DEF6: variants seen among roughly 807,000 people sequenced by gnomAD.
DEF6 encodes DEF6 guanine nucleotide exchange factor, also known as differentially expressed in FDCP 6 homolog.
DEF6 carries 32 observed loss-of-function variants against 80.5 expected under a neutral mutation model. The observed-to-expected ratio is 0.40, with a 90% confidence interval of 0.30 to 0.53. The LOEUF is 0.53. Ranked by LOEUF, DEF6 falls within the 20% of genes least tolerant of loss-of-function variation. The pLI, the probability that DEF6 is intolerant of heterozygous loss-of-function variation, is 0.57. For missense variants in DEF6, 575 were observed against 818.7 expected (o/e 0.70, Z 3.63); for synonymous variants, 300 against 337.9 (o/e 0.89, Z 1.23).
chr6:35,304,890 T>C (rs955956198), intron 1 of DEF6, among the ~76,000 whole-genome samples: 2 of 151,478 alleles, frequency 1.3e-5, no homozygotes, highest in East Asian at 3.9e-4. Flanking sequence ...GTTTTAAATT[T>C]TATCCTAAAG....
At chr6:35,310,777 C>G in intron 3 of DEF6, 133 bp downstream of exon 3, 1 of 947,644 alleles carries the variant, frequency 1.1e-6, no homozygotes, top group Non-Finnish European at 1.6e-6. Context: ...ATGCTGGTAT[C>G]TGTCCTCACC....
At chr6:35,313,428 AG>A (rs1791492220) in intron 5 of DEF6, 1 of 342,648 alleles carries the variant, frequency 2.9e-6, no homozygotes, top group Admixed American at 4.5e-5. Flanking sequence ...TCATGTCATT[AG>A]GTATCCTTTA....
At chr6:35,314,103 C>T (rs368163687) in intron 5 of DEF6, among the ~76,000 whole-genome samples, 7 of 152,174 alleles carry the variant, frequency 4.6e-5, no homozygotes, top group African/African-American at 1.7e-4. Flanking sequence ...TCTCCAGCAT[C>T]TTTTTACAGA....
chr6:35,297,987 G>T, intron 1 of DEF6, 35 bp downstream of exon 1: 1 of 1,536,356 alleles, frequency 6.5e-7, no homozygotes, highest in Non-Finnish European at 8.8e-7. Flanking sequence ...GAGGACGGCA[G>T]ATGCACCACA....
rs1253426126 is a variant in DEF6, at chr6:35,319,617, C to T, written c.1309C>T (p.Arg437Trp). The T allele has an allele frequency of 1.2e-6, 2 of 1,613,658 alleles. No homozygotes were observed. Among genetic ancestry groups the T allele is most frequent in the Non-Finnish European group, 1.7e-6 (2 of 1,179,824 alleles). Residue 437 changes from arginine to tryptophan, a missense_variant, in exon 8 of 11, where the codon CGG (arginine) becomes TGG (tryptophan). Physicochemically the swap from Arg to Trp is moderately radical, Grantham distance 101 (BLOSUM62 -3). Coordinates refer to ENST00000316637, the MANE Select transcript of DEF6 (RefSeq NM_022047.4). This position sits in a 1 kb window ranked among gnomAD's most constrained non-coding sequence, Gnocchi z 4.5. ...RIKELEEMQQ[R>W]LQEALQLEVK... Reference sequence around the variant, plus strand: ...CAAGGAGCTGGAGGAGATGCAGCAGCGGTTGCAGGAGGCCCTGCAACTAGA... The same window carrying T: ...CAAGGAGCTGGAGGAGATGCAGCAGTGGTTGCAGGAGGCCCTGCAACTAGA...
At position 35,318,378 on chromosome 6, in the gene DEF6, C is replaced by G. The variant is rs540279988; in HGVS notation, c.1122C>G (p.Ala374=). The part of the protein sequence containing the change: ...LELLQEAQRQ[A]ERLLQEEEER... Reference sequence around the variant, plus strand: ...TGCTGCAGGAGGCGCAGCGGCAGGCCGAGCGGCTGCTGCAGGAGGAGGAGG... The same window carrying G: ...TGCTGCAGGAGGCGCAGCGGCAGGCGGAGCGGCTGCTGCAGGAGGAGGAGG... Residue 374 remains alanine (A), a synonymous_variant, in exon 7 of 11, where the codon GCC becomes GCG. Coordinates refer to ENST00000316637, the MANE Select transcript of DEF6 (RefSeq NM_022047.4). The surrounding 1 kb of genome is among the most constrained non-coding windows in gnomAD (Gnocchi z 5.1). 186 of 1,536,616 alleles carry G rather than the reference C, an allele frequency of 1.2e-4. 1 individual carries two copies. The highest frequency in any genetic ancestry group is 1.6e-4 in the Non-Finnish European group (178 of 1,145,206).
intron 1 of DEF6, among the ~76,000 whole-genome samples, chr6:35,299,537 G>T (rs1791285081): frequency 6.6e-6 from 1 of 152,116 alleles, no homozygotes; most frequent in South Asian, 2.1e-4. Flanking sequence ...CCTAGCTTGA[G>T]CCTCTGTCTT....
intron 1 of DEF6, among the ~76,000 whole-genome samples, chr6:35,304,618 C>G (rs553329338): frequency 1.3e-5 from 2 of 152,212 alleles, no homozygotes; most frequent in African/African-American, 4.8e-5. Context: ...TGGAAGGACT[C>G]GAACTTTTAC....
At chr6:35,316,026 A>ATTTTTT (rs35189215) in intron 5 of DEF6, 3 of 153,244 alleles carry the variant, frequency 2.0e-5, no homozygotes, top group African/African-American at 2.6e-5. Flanking sequence ...CACCTGGCTA[A>ATTTTTT]TTTTTTTTTT....
In DEF6 at chr6:35,319,084, G is replaced by A. The variant is rs1360985595; in HGVS notation, c.1216-440G>A. Among the ~76,000 whole-genome samples the A allele has an allele frequency of 6.6e-6, 1 of 151,934 alleles. No individual in the cohort carries two copies. Among genetic ancestry groups the A allele is most frequent in the Non-Finnish European group, 1.5e-5 (1 of 67,992 alleles). On this transcript the variant is annotated intron_variant, in intron 7 of 10. Coordinates refer to ENST00000316637, the MANE Select transcript of DEF6 (RefSeq NM_022047.4). The surrounding 1 kb of genome is among the most constrained non-coding windows in gnomAD (Gnocchi z 4.5). ...CAGAGGTACGGTGAGGATTAAATGA[G>A]GAAACACTTGTAGTGTCCAGTAACT...
chr6:35,312,534 A>G lies in DEF6; in HGVS notation c.656A>G (p.Lys219Arg). The G allele has an allele frequency of 6.2e-7, 1 of 1,614,106 alleles. No individual in the cohort carries two copies. The highest frequency in any genetic ancestry group is 8.5e-7 in the Non-Finnish European group (1 of 1,180,008). ...CAGGAGCTCATCCAAGATGTCCTGA[A>G]GCAGGTCAGGCAAGCTGGGAACTAG... ...VYQELIQDVL[K>R]QGYLWKRGHL... The change falls in exon 4 of 11, where the codon AAG becomes AGG. Residue 219 changes from lysine to arginine, a missense_variant. Coordinates refer to ENST00000316637, the MANE Select transcript of DEF6 (RefSeq NM_022047.4). This position sits in a 1 kb window ranked among gnomAD's most constrained non-coding sequence, Gnocchi z 6.6.
rs1791484559 is a variant in DEF6, at chr6:35,312,769, G to A, written c.804G>A (p.Val268=). 6.2e-7 allele frequency: 1 copy of A among 1,611,478 alleles called. No homozygotes were observed. Among genetic ancestry groups the A allele is most frequent in the Non-Finnish European group, 8.5e-7 (1 of 1,178,930 alleles). The change falls in exon 5 of 11, where the codon GTG becomes GTA. Residue 268 remains valine, a synonymous_variant. Coordinates refer to ENST00000316637, the MANE Select transcript of DEF6 (RefSeq NM_022047.4). The surrounding 1 kb of genome is among the most constrained non-coding windows in gnomAD (Gnocchi z 6.6). ...TCCCGCTGGATGCACACTGCTGCGTGGAGGTGAGGGGCAGGATGGGGGTGG... is the reference window on the plus strand; with the variant it reads ...TCCCGCTGGATGCACACTGCTGCGTAGAGGTGAGGGGCAGGATGGGGGTGG... The part of the protein sequence containing the change: ...GIIPLDAHCC[V]EVLPDRDGKR...
intron 1 of DEF6, 124 bp downstream of exon 1, chr6:35,298,076 G>A: frequency 1.2e-6 from 1 of 862,402 alleles, no homozygotes; most frequent in Non-Finnish European, 1.8e-6. Context: ...TCCCGGGCCT[G>A]GGGTCGGGGG....
In DEF6 at chr6:35,310,545, C is replaced by T. The variant is rs2150386984; in HGVS notation, c.324C>T (p.Asn108=). 6 of 1,614,128 alleles carry T rather than the reference C, an allele frequency of 3.7e-6. No homozygotes were observed. The highest frequency in any genetic ancestry group is 2.2e-5 in the East Asian group (1 of 44,878). Residue 108 remains asparagine (N), a synonymous_variant, in exon 3 of 11, where the codon AAC becomes AAT. Transcript: ENST00000316637. Reference sequence around the variant, plus strand: ...AGAAGAACTATCGGGCAGATAGCAACGGGAACAGTATGCTCTCCAATCAGG... The same window carrying T: ...AGAAGAACTATCGGGCAGATAGCAATGGGAACAGTATGCTCTCCAATCAGG... ...TAKKNYRADS[N]GNSMLSNQDA... is the part of the protein sequence containing the mutation.
intron 5 of DEF6, among the ~76,000 whole-genome samples, chr6:35,313,910 GCAGATATCTCTT>G (rs1438754838): frequency 3.9e-5 from 6 of 152,172 alleles, no homozygotes; most frequent in African/African-American, 7.2e-5. Context: ...ACATGGGAAG[GCAGATATCTCTT>G]CAATATATTG....
chr6:35,298,622 T>C (rs1023650672), intron 1 of DEF6, among the ~76,000 whole-genome samples: 3 of 152,218 alleles, frequency 2.0e-5, no homozygotes, highest in Admixed American at 6.5e-5. Context: ...TCCCAATCAA[T>C]GATTGTCCTG....
intron 5 of DEF6, 48 bp from the exon 6 acceptor site, chr6:35,317,843 C>T (rs953508737): frequency 2.6e-5 from 41 of 1,559,668 alleles, no homozygotes; most frequent in Non-Finnish European, 3.5e-5. Flanking sequence ...CAGGTGGGGC[C>T]CTGACCCAGT....
At chr6:35,310,264 G>A (rs1273794587) in intron 2 of DEF6, among the ~76,000 whole-genome samples, 195 bp from the exon 3 acceptor site, 1 of 152,148 alleles carries the variant, frequency 6.6e-6, no homozygotes, top group Non-Finnish European at 1.5e-5. Context: ...GGGTGGGTGT[G>A]GGTGTGTTGT....
At chr6:35,302,658 G>T (rs1183152437) in intron 1 of DEF6, among the ~76,000 whole-genome samples, 1 of 152,202 alleles carries the variant, frequency 6.6e-6, no homozygotes, top group East Asian at 1.9e-4. Flanking sequence ...GAGGCCAGAG[G>T]CTCCCTGGGT....
Sources: gnomAD v4.1 joint callset for allele counts (sites outside exome capture counted in the v4.1 genomes callset) on GRCh38, gnomAD v4.1.1 for gene constraint, Gnocchi (gnomAD v3.1) non-coding constraint, MANE v1.5 for transcripts, NCBI Gene and HGNC (gene_info 2026-07-23, HGNC 2026-07-21) for gene names.